Variants in RAP1GDS1 observed in about 807,000 individuals in gnomAD.
RAP1GDS1 encodes RAP1, GTP-GDP dissociation stimulator 1.
Under a neutral mutation model 71.1 loss-of-function variants are expected in RAP1GDS1, and 35 were observed. The observed-to-expected ratio is 0.49, with a 90% CI of 0.38 to 0.65. RAP1GDS1 has a LOEUF of 0.65. Ranked by LOEUF, RAP1GDS1 falls within the 30% of genes least tolerant of loss-of-function variation. The probability of loss-of-function intolerance (pLI) is 0.00; values close to 1 mark genes in which losing one functional copy is unlikely to be tolerated. For missense variants in RAP1GDS1, 663 were observed against 706.1 expected (o/e 0.94, Z 0.69); for synonymous variants, 229 against 243.1 (o/e 0.94, Z 0.54).
At chr4:98,292,740 G>A (rs1727156042) in intron 1 of RAP1GDS1, among the ~76,000 whole-genome samples, 1 of 152,038 alleles carries the variant, frequency 6.6e-6, no homozygotes, top group Non-Finnish European at 1.5e-5. Context: ...TATGTTAAAT[G>A]TCTATAGCAA....
chr4:98,362,568 A>G (rs1738897156), intron 4 of RAP1GDS1, among the ~76,000 whole-genome samples: 1 of 146,862 alleles, frequency 6.8e-6, no homozygotes, highest in African/African-American at 2.7e-5. Flanking sequence ...AAAGCAGTAT[A>G]TTTAATAGGA....
At chr4:98,285,533 A>G (rs752283727) in intron 1 of RAP1GDS1, among the ~76,000 whole-genome samples, 6 of 152,088 alleles carry the variant, frequency 3.9e-5, no homozygotes, top group African/African-American at 1.2e-4. Context: ...GAACAAAGGA[A>G]TATCTGTACT....
intron 1 of RAP1GDS1, among the ~76,000 whole-genome samples, chr4:98,271,059 GCTATTAAGGTT>G (rs960206755): frequency 1.3e-5 from 2 of 152,032 alleles, no homozygotes; most frequent in African/African-American, 2.4e-5. Context: ...TCAGCATTAG[GCTATTAAGGTT>G]TTAGGGAGTT....
intron 5 of RAP1GDS1, among the ~76,000 whole-genome samples, chr4:98,381,426 G>C (rs1742002577): frequency 1.3e-5 from 2 of 151,094 alleles, no homozygotes; most frequent in South Asian, 4.2e-4. Context: ...TGTATGTTTG[G>C]CATAATTATT....
At chr4:98,355,219 T>C (rs1435232731) in intron 4 of RAP1GDS1, among the ~76,000 whole-genome samples, 1 of 152,204 alleles carries the variant, frequency 6.6e-6, no homozygotes, top group Non-Finnish European at 1.5e-5. Flanking sequence ...ATCAACCTTC[T>C]TCACTCTCGG....
intron 6 of RAP1GDS1, among the ~76,000 whole-genome samples, chr4:98,393,392 A>AT (rs997947677): frequency 4.6e-5 from 7 of 152,100 alleles, no homozygotes; most frequent in Admixed American, 2.6e-4. Flanking sequence ...TAATTAACAC[A>AT]TTTTTTCTGT....
At chr4:98,335,325 G>C (rs1174899228) in intron 2 of RAP1GDS1, among the ~76,000 whole-genome samples, 3 of 152,154 alleles carry the variant, frequency 2.0e-5, no homozygotes, top group Non-Finnish European at 4.4e-5. Context: ...TCATGCAGTT[G>C]CTGGGCAGAT....
chr4:98,324,802 T>G (rs1732681302), intron 2 of RAP1GDS1, among the ~76,000 whole-genome samples: 1 of 150,814 alleles, frequency 6.6e-6, no homozygotes, highest in Non-Finnish European at 1.5e-5. Context: ...ACGTTAGACC[T>G]AAAACCATAA....
chr4:98,299,100 C>A (rs1235387393), intron 2 of RAP1GDS1, among the ~76,000 whole-genome samples: 1 of 152,090 alleles, frequency 6.6e-6, no homozygotes, highest in Non-Finnish European at 1.5e-5. Flanking sequence ...ATGTTCCCCC[C>A]GCTGTGTCCA....
chr4:98,306,189 T>C (rs1335244123), intron 2 of RAP1GDS1, among the ~76,000 whole-genome samples: 1 of 152,206 alleles, frequency 6.6e-6, no homozygotes, highest in South Asian at 2.1e-4. Context: ...TCCATCCATT[T>C]GTGCTGTTAT....
intron 6 of RAP1GDS1, chr4:98,395,867 C>G (rs1744460070): frequency 6.6e-6 from 1 of 152,090 alleles, no homozygotes; most frequent in East Asian, 1.9e-4. Flanking sequence ...AATCCATTTG[C>G]ACTACCATAA....
chr4:98,322,854 A>G (rs932031485), intron 2 of RAP1GDS1, among the ~76,000 whole-genome samples: 1 of 132,120 alleles, frequency 7.6e-6, no homozygotes, highest in African/African-American at 3.5e-5. Context: ...CATCACAATT[A>G]AAAGAACTAG....
chr4:98,289,340 G>A (rs1396084585), intron 1 of RAP1GDS1, among the ~76,000 whole-genome samples: 1 of 151,988 alleles, frequency 6.6e-6, no homozygotes, highest in East Asian at 1.9e-4. Context: ...AGTTGACTTC[G>A]CCAAGTAAGT....
At chr4:98,308,358 C>G (rs935706786) in intron 2 of RAP1GDS1, among the ~76,000 whole-genome samples, 80 of 132,042 alleles carry the variant, frequency 6.1e-4, no homozygotes, top group Non-Finnish European at 1.3e-4. Flanking sequence ...GTGTGTCTCT[C>G]TATTCCCAGC....
At chr4:98,363,220 G>A (rs1739002124) in intron 4 of RAP1GDS1, among the ~76,000 whole-genome samples, 1 of 151,942 alleles carries the variant, frequency 6.6e-6, no homozygotes. Flanking sequence ...AAGTGTGGTG[G>A]CTCACATCTG....
chr4:98,304,797 G>T (rs568764162), intron 2 of RAP1GDS1, among the ~76,000 whole-genome samples: 1 of 152,066 alleles, frequency 6.6e-6, no homozygotes, highest in Non-Finnish European at 1.5e-5. Flanking sequence ...ATGTTGCGTA[G>T]ATTTTCTTCT....
chr4:98,395,251 G>A (rs1197658189), intron 6 of RAP1GDS1, among the ~76,000 whole-genome samples: 2 of 152,062 alleles, frequency 1.3e-5, no homozygotes, highest in Admixed American at 6.6e-5. Context: ...GGCATAGCTT[G>A]TCTCACAAGT....
rs1327760060 is a variant in RAP1GDS1, at chr4:98,414,066, G to A, written c.764-2679G>A. Among the ~76,000 whole-genome samples the A allele has an allele frequency of 3.5e-3, 534 of 151,764 alleles. 2 individuals carry two copies. Among genetic ancestry groups the A allele is most frequent in the African/African-American group, 0.012 (500 of 41,304 alleles). On this transcript the variant is annotated intron_variant, in intron 7 of 14. Transcript: ENST00000408927. ...CCTTCGCCCACTTTTTGATGGGGTT[G>A]TTTTTTTCTTGTAAATTTGTTTGAG...
rs1171707087 is a variant in RAP1GDS1 at position 98,326,348 on chromosome 4, A to G, written c.113-16791A>G. Among the ~76,000 whole-genome samples the G allele has an allele frequency of 2.0e-5, 3 of 152,186 alleles. No individual in the cohort carries two copies. The East Asian group carries it at 5.8e-4, about 29-fold the overall frequency. On this transcript the variant is annotated intron_variant, in intron 2 of 14. Transcript: ENST00000408927. ...CCATCTTTTAACCTTTGGGTAATTA[A>G]TATCAAATTTCTACTTGGTCAGCAA...
Sources: allele counts gnomAD v4.1 joint callset (sites outside exome capture counted in the v4.1 genomes callset), GRCh38; gene constraint gnomAD v4.1.1; transcripts MANE v1.5; gene names NCBI Gene and HGNC (gene_info 2026-07-23, HGNC 2026-07-21).